The following IPPK variants were observed in gnomAD, a reference collection of about 807,000 sequenced individuals.
IPPK encodes the protein IPK1 homolog.
IPPK carries 22 observed loss-of-function variants against 64.6 expected under a neutral mutation model. That is an observed-to-expected ratio of 0.34 (90% confidence interval 0.24 to 0.49). The LOEUF is 0.49. IPPK is among the 20% of genes least tolerant of loss of function. The pLI, the probability that IPPK is intolerant of heterozygous loss-of-function variation, is 0.99. For synonymous variants in IPPK, 262 were observed against 247.2 expected (o/e 1.06, Z -0.56); for missense variants, 532 against 630.7 (o/e 0.84, Z 1.68).
chr9:92,641,643 C>T (rs1852048681), intron 7 of IPPK, among the ~76,000 whole-genome samples: 2 of 152,156 alleles, frequency 1.3e-5, no homozygotes, highest in Admixed American at 1.3e-4. Context: ...ATGAGCATTC[C>T]CAATGTTTGT....
At chr9:92,654,674 T>G (rs1246932511) in intron 3 of IPPK, among the ~76,000 whole-genome samples, 1 of 152,012 alleles carries the variant, frequency 6.6e-6, no homozygotes, top group Admixed American at 6.5e-5. Flanking sequence ...CCCACAGAAA[T>G]CCCATCCTGG....
intron 6 of IPPK, among the ~76,000 whole-genome samples, chr9:92,645,274 C>G (rs1340100838): frequency 6.6e-6 from 1 of 151,936 alleles, no homozygotes; most frequent in African/African-American, 2.4e-5. Flanking sequence ...CCTGTAGTCC[C>G]AGCTACTTGG....
At chr9:92,667,576 AAAC>A (rs1037483954) in intron 1 of IPPK, among the ~76,000 whole-genome samples, 1 of 152,176 alleles carries the variant, frequency 6.6e-6, no homozygotes, top group Non-Finnish European at 1.5e-5. Context: ...GATGAGCTAA[AAAC>A]AACAACCAAG....
At chr9:92,620,677 C>G (rs1384532860) in intron 11 of IPPK, 2 of 152,182 alleles carry the variant, frequency 1.3e-5, no homozygotes, top group Non-Finnish European at 2.9e-5. Context: ...TTCCAAAGGG[C>G]AGGACTGGAT....
At position 92,648,087 on chromosome 9, in the gene IPPK, C is replaced by G. The variant is rs1251811158; in HGVS notation, c.476G>C (p.Cys159Ser). The G allele has an allele frequency of 6.2e-7, 1 of 1,613,536 alleles. No homozygotes were observed. The highest frequency in any genetic ancestry group is 1.1e-5 in the South Asian group (1 of 90,922). The stretch of plus-strand genomic sequence containing the variant: ...GAGGTGCTGGTGCATGCAGTATCGA[C>G]AGACCTTATGCTTCATCTCATGCGT... ...DVTHEMKHKVCRYCMHQHLKV... is the reference protein window; with the variant it reads ...DVTHEMKHKVSRYCMHQHLKV... The change falls in exon 6 of 13, where the codon TGT (cysteine) becomes TCT (serine). Residue 159 changes from cysteine (C) to serine (S), a missense_variant. Physicochemically the swap from Cys to Ser is moderately radical, Grantham distance 112. Transcript: ENST00000287996.
At chr9:92,621,085 G>A (rs574222972) in intron 11 of IPPK, among the ~76,000 whole-genome samples, 14 of 152,226 alleles carry the variant, frequency 9.2e-5, no homozygotes, top group African/African-American at 2.4e-4. Flanking sequence ...GCTGGCTTGC[G>A]CTCTGGGGTT....
chr9:92,619,388 T>C (rs935050530), intron 12 of IPPK, 98 bp downstream of exon 12: 30 of 983,556 alleles, frequency 3.1e-5, no homozygotes, highest in Non-Finnish European at 4.7e-5. Context: ...CCATGGAGTC[T>C]CTAAATATGG....
chr9:92,619,565 C>G lies in IPPK; in HGVS notation c.1171G>C (p.Val391Leu), dbSNP rs1200757375. The change falls in exon 12 of 13, where the codon GTG (valine) becomes CTG (leucine). Residue 391 changes from valine to leucine, a missense_variant and splice_region_variant. Val to Leu is a conservative substitution (Grantham distance 32). Transcript: ENST00000287996. ...DGTVAFALTK[V>L]QQYRVAMTAK... ...GTCATGGCGACGCGGTACTGCTGCA[C>G]CTGCAGGGGCGGGAAAGATCAGCTC... 4 of 1,577,266 alleles carry G rather than the reference C, an allele frequency of 2.5e-6. No homozygotes were observed. The highest frequency in any genetic ancestry group is 3.4e-6 in the Non-Finnish European group (4 of 1,161,212).
chr9:92,618,180 T>C (rs2131413021), intron 12 of IPPK: 1 of 454,636 alleles, frequency 2.2e-6, no homozygotes, highest in African/African-American at 2.0e-5. Flanking sequence ...AGAAGCCTTC[T>C]CTGAGATCCT....
At chr9:92,650,228 CAGG>C (rs150234017) in intron 4 of IPPK, among the ~76,000 whole-genome samples, 30,237 of 151,480 alleles carry the variant, frequency 0.2, 4,010 homozygotes, top group East Asian at 0.73. Flanking sequence ...GAGGCGTAGG[CAGG>C]AGAATTGCTT....
At chr9:92,663,680 G>A (rs1413518959) in intron 1 of IPPK, among the ~76,000 whole-genome samples, 1 of 152,176 alleles carries the variant, frequency 6.6e-6, no homozygotes, top group Admixed American at 6.5e-5. Flanking sequence ...GCACCTTATG[G>A]GTGGAATTAA....
chr9:92,646,949 G>A (rs1337981970), intron 6 of IPPK, among the ~76,000 whole-genome samples: 2 of 152,086 alleles, frequency 1.3e-5, no homozygotes, highest in African/African-American at 4.8e-5. Context: ...TCCAAGCACA[G>A]GGAAGGAAAC....
intron 9 of IPPK, 72 bp downstream of exon 9, chr9:92,637,929 C>G (rs1307997966): frequency 1.4e-6 from 2 of 1,413,704 alleles, no homozygotes; most frequent in Non-Finnish European, 1.9e-6. Context: ...ACCGCCTGGC[C>G]ACCCATGGGG....
chr9:92,634,845 A>G (rs1416458168), intron 10 of IPPK, among the ~76,000 whole-genome samples: 1 of 152,244 alleles, frequency 6.6e-6, no homozygotes, highest in Non-Finnish European at 1.5e-5. Context: ...GGGCTGACAC[A>G]GAACGACCTG....
intron 11 of IPPK, among the ~76,000 whole-genome samples, chr9:92,625,921 AT>A (rs368138756): frequency 2.5e-3 from 362 of 147,654 alleles, no homozygotes; most frequent in Middle Eastern, 0.011. Context: ...AAAATAAGAG[AT>A]TTTTTTTTTT....
chr9:92,641,117 G>A (rs1392179719), intron 7 of IPPK, among the ~76,000 whole-genome samples: 2 of 152,222 alleles, frequency 1.3e-5, no homozygotes, highest in South Asian at 4.1e-4. Flanking sequence ...CCCAACCCGA[G>A]ACGGGTTAAG....
rs761672751 is a variant in IPPK, at chr9:92,649,620, G to A, written c.293-46C>T. On this transcript the variant is annotated intron_variant, in intron 4 of 12. Coordinates refer to ENST00000287996, the MANE Select transcript of IPPK (RefSeq NM_022755.6). ...CACACAGAGCAAGGTCAGTGAGAGA[G>A]ATGAGATGATCCCTGCCCAAAACAG... 5.0e-6 allele frequency: 8 copies of A among 1,608,744 alleles called. No individual in the cohort carries two copies. The African/African-American group carries it at 6.7e-5, about 13-fold the overall frequency.
At chr9:92,637,869 C>T (rs1851971067) in intron 9 of IPPK, 132 bp downstream of exon 9, 4 of 965,248 alleles carry the variant, frequency 4.1e-6, no homozygotes, top group African/African-American at 3.3e-5. Context: ...GTGCTGGGAG[C>T]CCTGGCGTAA....
At chr9:92,652,687 G>GA in intron 3 of IPPK, 48 bp from the exon 4 acceptor site, 1 of 1,016,918 alleles carries the variant, frequency 9.8e-7, no homozygotes, top group Non-Finnish European at 1.5e-6. Flanking sequence ...ACAATGACAT[G>GA]AACACAATGC....
Sources: gnomAD v4.1 joint callset for allele counts (sites outside exome capture counted in the v4.1 genomes callset) on GRCh38, gnomAD v4.1.1 for gene constraint, MANE v1.5 for transcripts, NCBI Gene and HGNC (gene_info 2026-07-23, HGNC 2026-07-21) for gene names.